The following GUCY1A2 variants were observed in gnomAD, a reference collection of about 807,000 sequenced individuals.
The protein encoded by GUCY1A2 is guanylate cyclase 1 soluble subunit alpha 2, also known as guanylate cyclase soluble subunit alpha-2.
A neutral mutation model predicts 63.5 loss-of-function variants in GUCY1A2; 27 were observed. The observed-to-expected ratio is 0.43, with a 90% CI of 0.31 to 0.59. The LOEUF is 0.59. Among genes scored for constraint, GUCY1A2 ranks in the 20% least tolerant of loss-of-function variants. GUCY1A2 has a pLI of 0.11. For synonymous variants in GUCY1A2, 364 were observed against 343.5 expected, an observed-to-expected ratio of 1.06 and a Z score of -0.66; for missense variants, 768 against 913.3, an observed-to-expected ratio of 0.84 and a Z score of 2.05.
At chr11:106,708,799 A>G (rs1386589717) in intron 6 of GUCY1A2, 133 bp from the exon 7 acceptor site, 1 of 507,310 alleles carries the variant, frequency 2.0e-6, no homozygotes, top group Non-Finnish European at 3.3e-6. Context: ...ACAGGAACTG[A>G]GTCCTGGTCA....
At chr11:106,812,115 C>T (rs1858769672) in intron 4 of GUCY1A2, among the ~76,000 whole-genome samples, 1 of 151,796 alleles carries the variant, frequency 6.6e-6, no homozygotes, top group African/African-American at 2.4e-5. Context: ...TTATTAGGAT[C>T]TTAAGGGCAT....
chr11:106,758,642 C>T (rs1864014201), intron 6 of GUCY1A2, among the ~76,000 whole-genome samples: 1 of 152,156 alleles, frequency 6.6e-6, no homozygotes, highest in Admixed American at 6.5e-5. Flanking sequence ...GAAAGCTCAC[C>T]AGAATATAGG....
intron 7 of GUCY1A2, among the ~76,000 whole-genome samples, chr11:106,706,419 A>G (rs913342802): frequency 6.6e-6 from 1 of 152,108 alleles, no homozygotes; most frequent in Non-Finnish European, 1.5e-5. Flanking sequence ...GCTTCAGTGT[A>G]TGCAGTAGTT....
At position 107,008,796 on chromosome 11, in the gene GUCY1A2, G is replaced by A. The variant is rs113093525; in HGVS notation, c.303+8957C>T. 4.0e-3 allele frequency among the ~76,000 whole-genome samples: 603 copies of A among 152,298 alleles called. 5 individuals carry two copies. Among genetic ancestry groups the A allele is most frequent in the Middle Eastern group, 0.017 (5 of 294 alleles). ...AATCACGATATATATACACGTGTGC[G>A]TGTGTACATAAAAACAGTCAGAAAA... is the stretch of plus-strand genomic sequence containing the variant. On this transcript the variant is annotated intron_variant, in intron 1 of 7. Transcript: ENST00000526355.
chr11:106,707,850 C>T (rs970664305), intron 7 of GUCY1A2, among the ~76,000 whole-genome samples: 18 of 152,178 alleles, frequency 1.2e-4, no homozygotes, highest in African/African-American at 4.1e-4. Flanking sequence ...ATGTTTTACT[C>T]TGTACCTGGT....
At position 106,708,683 on chromosome 11, in the gene GUCY1A2, G is replaced by C. The variant is rs369808744; in HGVS notation, c.1837-17C>G. 29 of 1,542,538 alleles carry C rather than the reference G, an allele frequency of 1.9e-5. No individual in the cohort carries two copies. Among genetic ancestry groups the C allele is most frequent in the African/African-American group, 1.4e-4 (10 of 72,046 alleles). On this transcript the variant is annotated splice_polypyrimidine_tract_variant and intron_variant, in intron 6 of 7. Coordinates refer to ENST00000526355, the MANE Select transcript of GUCY1A2 (RefSeq NM_000855.3). ...TATCCTCATCTAAAGAAGAATGAAA[G>C]AGGAAAAGGAACATATTTGTTTCCA... is the stretch of plus-strand genomic sequence containing the variant.
At chr11:106,736,713 C>G (rs535296035) in intron 6 of GUCY1A2, among the ~76,000 whole-genome samples, 11 of 152,152 alleles carry the variant, frequency 7.2e-5, no homozygotes, top group Admixed American at 2.6e-4. Context: ...CTGTAGATTG[C>G]TTTGGGTAGT....
intron 4 of GUCY1A2, among the ~76,000 whole-genome samples, chr11:106,925,199 GGAGA>G (rs1451360058): frequency 4.0e-5 from 6 of 151,658 alleles, no homozygotes; most frequent in African/African-American, 1.5e-4. Context: ...CAGAGAGAGA[GGAGA>G]AAGAGAGAGA....
chr11:107,007,779 T>C (rs551464199), intron 1 of GUCY1A2, among the ~76,000 whole-genome samples: 3 of 152,340 alleles, frequency 2.0e-5, no homozygotes, highest in South Asian at 2.1e-4. Flanking sequence ...TATATGGATA[T>C]GCTGGTTTGT....
At chr11:106,886,957 A>G (rs914769338) in intron 4 of GUCY1A2, among the ~76,000 whole-genome samples, 1 of 152,022 alleles carries the variant, frequency 6.6e-6, no homozygotes, top group Non-Finnish European at 1.5e-5. Flanking sequence ...CTCACCCTGC[A>G]TCTCTGCCTT....
intron 6 of GUCY1A2, among the ~76,000 whole-genome samples, chr11:106,736,484 G>T (rs1863591317): frequency 6.6e-6 from 1 of 151,956 alleles, no homozygotes; most frequent in Non-Finnish European, 1.5e-5. Flanking sequence ...TGTTCTATTA[G>T]CCTATGTGTC....
chr11:106,935,003 G>T (rs551336128), intron 4 of GUCY1A2, among the ~76,000 whole-genome samples: 1 of 152,138 alleles, frequency 6.6e-6, no homozygotes, highest in African/African-American at 2.4e-5. Context: ...ATGAAAACTC[G>T]ATTCCAAACC....
At chr11:107,014,351 T>A (rs1565360618) in intron 1 of GUCY1A2, among the ~76,000 whole-genome samples, 1 of 152,098 alleles carries the variant, frequency 6.6e-6, no homozygotes, top group Non-Finnish European at 1.5e-5. Flanking sequence ...CCTCCCAAAG[T>A]GCTGGGATTA....
In GUCY1A2 at chr11:106,680,440, A is replaced by G. The variant is rs1200432657; in HGVS notation, c.*7109T>C. On this transcript the variant is annotated 3_prime_UTR_variant, in exon 8 of 8. Transcript: ENST00000526355. ...GTATCAAAAGAATCAAAAAGTAACT[A>G]TTACTCAGACCTGCCATTTGGTTTT... is the stretch of plus-strand genomic sequence containing the variant. 4.8e-6 allele frequency: 1 copy of G among 207,612 alleles called. No homozygotes were observed. The highest frequency in any genetic ancestry group is 2.3e-5 in the African/African-American group (1 of 43,872). 12.9% of individuals were successfully genotyped at this position (207,612 alleles called of 1,614,324 possible).
intron 4 of GUCY1A2, among the ~76,000 whole-genome samples, chr11:106,863,279 A>T (rs534376327): frequency 6.6e-6 from 1 of 152,170 alleles, no homozygotes; most frequent in African/African-American, 2.4e-5. Context: ...TCGGTCTTAG[A>T]TTTAAGTCTT....
At chr11:106,792,375 G>C (rs1864679371) in intron 5 of GUCY1A2, among the ~76,000 whole-genome samples, 1 of 105,164 alleles carries the variant, frequency 9.5e-6, no homozygotes, top group Non-Finnish European at 1.8e-5. Context: ...AACAGAGTGA[G>C]ACTCCATCTC....
intron 1 of GUCY1A2, among the ~76,000 whole-genome samples, chr11:107,009,497 T>C (rs1861715193): frequency 6.6e-6 from 1 of 152,172 alleles, no homozygotes; most frequent in Non-Finnish European, 1.5e-5. Context: ...CAAATATCTG[T>C]TTCTCTGTTT....
intron 4 of GUCY1A2, among the ~76,000 whole-genome samples, chr11:106,883,197 TAAG>T (rs1158087579): frequency 2.6e-5 from 4 of 152,068 alleles, no homozygotes. Context: ...CCCACAACAC[TAAG>T]AACAAAGCCT....
chr11:106,720,815 C>T (rs993631261), intron 6 of GUCY1A2, among the ~76,000 whole-genome samples: 1 of 151,954 alleles, frequency 6.6e-6, no homozygotes, highest in Non-Finnish European at 1.5e-5. Context: ...CATAAAAGAA[C>T]ATTAGGGGAA....
Sources: gnomAD v4.1 joint callset for allele counts (sites outside exome capture counted in the v4.1 genomes callset) on GRCh38, gnomAD v4.1.1 for gene constraint, MANE v1.5 for transcripts, NCBI Gene and HGNC (gene_info 2026-07-23, HGNC 2026-07-21) for gene names.